Variants in KDM4A observed in about 807,000 individuals in gnomAD.
KDM4A encodes lysine demethylase 4A.
KDM4A carries 23 observed loss-of-function variants against 127.1 expected under a neutral mutation model. The ratio of observed to expected loss-of-function variants is 0.18; its 90% CI spans 0.13 to 0.26. The LOEUF (loss-of-function observed/expected upper bound fraction) is 0.26, where lower values mean the gene tolerates loss of function less well. KDM4A is among the 10% of genes least tolerant of loss of function. KDM4A has a pLI of 1.00. For synonymous variants in KDM4A, 443 were observed against 466.5 expected, an observed-to-expected ratio of 0.95 and a Z score of 0.65; for missense variants, 890 against 1,329.1, an observed-to-expected ratio of 0.67 and a Z score of 5.14.
chr1:43,664,399 C>T (rs967533082), intron 5 of KDM4A, among the ~76,000 whole-genome samples: 1 of 151,984 alleles, frequency 6.6e-6, no homozygotes, highest in African/African-American at 2.4e-5. Context: ...AAACCCGTCT[C>T]TACTAAAAAC....
chr1:43,667,753 T>C lies in KDM4A; in HGVS notation c.916-19T>C, dbSNP rs1246664000. 1.2e-6 allele frequency: 2 copies of C among 1,614,112 alleles called. No homozygotes were observed. The highest frequency in any genetic ancestry group is 2.7e-5 in the African/African-American group (2 of 75,062). On this transcript the variant is annotated intron_variant, in intron 8 of 21. Coordinates refer to ENST00000372396, the MANE Select transcript of KDM4A (RefSeq NM_014663.3). ...AGCAAGGTATGCTCACCTGGTGCTCTTCTGGTTCCTGCTGACAGTGCTCCT... is the reference window on the plus strand; with the variant it reads ...AGCAAGGTATGCTCACCTGGTGCTCCTCTGGTTCCTGCTGACAGTGCTCCT...
chr1:43,671,257 G>A lies in KDM4A; in HGVS notation c.1364-248G>A, dbSNP rs187313328. On this transcript the variant is annotated intron_variant, in intron 10 of 21. Transcript: ENST00000372396. ...ACTGAGTGTCTGCTGAGTGCCAGGC[G>A]GTGCTCAGGAGTCTTATTTATGAGC... is the stretch of plus-strand genomic sequence containing the variant. 7.9e-4 allele frequency among the ~76,000 whole-genome samples: 120 copies of A among 152,274 alleles called. 1 individual carries two copies. Among genetic ancestry groups the A allele is most frequent in the African/African-American group, 2.6e-3 (108 of 41,544 alleles).
chr1:43,698,910 T>C (rs1211338064), intron 19 of KDM4A, among the ~76,000 whole-genome samples: 2 of 151,854 alleles, frequency 1.3e-5, no homozygotes, highest in African/African-American at 2.4e-5. Flanking sequence ...CACCTCAGCC[T>C]CCCTGGTAGC....
chr1:43,699,081 G>C (rs974084728), intron 19 of KDM4A, among the ~76,000 whole-genome samples: 5 of 150,468 alleles, frequency 3.3e-5, no homozygotes, highest in Non-Finnish European at 5.9e-5. Flanking sequence ...GAGCCACTGT[G>C]CCTGGCCTTA....
chr1:43,667,035 G>T lies in KDM4A; in HGVS notation c.859G>T (p.Glu287Ter). 1 of 1,614,144 alleles carries T rather than the reference G, an allele frequency of 6.2e-7. No individual in the cohort carries two copies. Among genetic ancestry groups the T allele is most frequent in the Non-Finnish European group, 8.5e-7 (1 of 1,180,020 alleles). Residue 287 changes from glutamate to a stop codon, truncating the protein, a stop_gained, in exon 8 of 22, where the codon GAG becomes TAG. Transcript: ENST00000372396. LOFTEE classifies it high-confidence loss of function. ...CTTTAACCATGGTTTTAACTGTGCGGAGTCTACCAATTTTGCTACCCGTCG... is the reference window on the plus strand; with the variant it reads ...CTTTAACCATGGTTTTAACTGTGCGTAGTCTACCAATTTTGCTACCCGTCG... ...AGFNHGFNCAESTNFATRRWI... is the reference protein window; with the variant it reads ...AGFNHGFNCA
intron 10 of KDM4A, among the ~76,000 whole-genome samples, chr1:43,670,584 G>A (rs1418275007): frequency 9.5e-6 from 1 of 105,254 alleles, no homozygotes; most frequent in African/African-American, 4.0e-5. Context: ...TTTTTTTTGA[G>A]ACGGAGTCTC....
Position 43,693,285 on chromosome 1 carries a change from A to C in KDM4A, c.2376-709A>C, listed in dbSNP as rs1661161707. Among the ~76,000 whole-genome samples the C allele has an allele frequency of 6.6e-6, 1 of 152,204 alleles. No individual in the cohort carries two copies. The highest frequency in any genetic ancestry group is 2.4e-5 in the African/African-American group (1 of 41,444). ...GTTCCCACTCTAAAAAGACAGCCCCACTAGAACTGCAGAGAGCTTCCATGG... is the reference window on the plus strand; with the variant it reads ...GTTCCCACTCTAAAAAGACAGCCCCCCTAGAACTGCAGAGAGCTTCCATGG... On this transcript the variant is annotated intron_variant, in intron 16 of 21. Transcript: ENST00000372396. The surrounding 1 kb of genome is among the most constrained non-coding windows in gnomAD (Gnocchi z 4.2).
At chr1:43,667,170 GA>G in intron 8 of KDM4A, 79 bp downstream of exon 8, 1 of 1,514,840 alleles carries the variant, frequency 6.6e-7, no homozygotes, top group Non-Finnish European at 9.1e-7. Flanking sequence ...CTGGTGATTA[GA>G]GTATTTCTTT....
intron 11 of KDM4A, among the ~76,000 whole-genome samples, chr1:43,674,044 C>T (rs1660685887): frequency 2.0e-5 from 3 of 152,028 alleles, no homozygotes; most frequent in African/African-American, 7.2e-5. Context: ...TGGGTTCAAC[C>T]CATCCTCCCC....
intron 12 of KDM4A, among the ~76,000 whole-genome samples, chr1:43,687,707 C>T (rs971332200): frequency 6.9e-6 from 1 of 144,914 alleles, no homozygotes; most frequent in African/African-American, 2.4e-5. Context: ...CTTGTTTCTG[C>T]TGGGAGCTTG....
intron 11 of KDM4A, among the ~76,000 whole-genome samples, chr1:43,677,295 G>GCT (rs1660763045): frequency 1.3e-5 from 2 of 150,416 alleles, no homozygotes; most frequent in Non-Finnish European, 3.0e-5. Context: ...CGCTGAGCTG[G>GCT]GATCTTGCCA....
Position 43,690,912 on chromosome 1 carries a change from C to G in KDM4A, c.2105C>G (p.Thr702Ser), listed in dbSNP as rs748602085. 6.2e-7 allele frequency: 1 copy of G among 1,614,218 alleles called. No individual in the cohort carries two copies. The change falls in exon 14 of 22, where the codon ACC becomes AGC. Residue 702 changes from threonine to serine, a missense_variant. Transcript: ENST00000372396. ...ASDLAPQKQR[T>S]KPLIPEMCFT... ...GATTTAGCCCCCCAGAAGCAGAGGACCAAGCCATTGATTCCAGAAATGTGC... is the reference window on the plus strand; with the variant it reads ...GATTTAGCCCCCCAGAAGCAGAGGAGCAAGCCATTGATTCCAGAAATGTGC...
chr1:43,699,117 G>C (rs1351703563), intron 19 of KDM4A, among the ~76,000 whole-genome samples: 2 of 146,306 alleles, frequency 1.4e-5, no homozygotes, highest in Admixed American at 1.4e-4. Flanking sequence ...TTTTGAGAGA[G>C]ACCAGGTCTC....
At position 43,704,459 on chromosome 1, in the gene KDM4A, T is replaced by C. The variant is rs1471328696; in HGVS notation, c.*89T>C. The C allele has an allele frequency of 4.5e-6, 6 of 1,337,296 alleles. No individual in the cohort carries two copies. The highest frequency in any genetic ancestry group is 3.8e-4 in the Middle Eastern group (2 of 5,204). 82.8% of individuals were successfully genotyped at this position (1,337,296 alleles called of 1,614,324 possible). ...AGCAGACATGGAACGCTGAAGTCTC[T>C]GAAAGTGAAGTTGTAAAAAGAAAAG... On this transcript the variant is annotated 3_prime_UTR_variant, in exon 22 of 22. Transcript: ENST00000372396.
intron 4 of KDM4A, among the ~76,000 whole-genome samples, chr1:43,661,765 T>C (rs374808872): frequency 1.3e-5 from 2 of 151,882 alleles, no homozygotes; most frequent in African/African-American, 4.8e-5. Context: ...ATAATAATAA[T>C]ACAGGACCTA....
intron 18 of KDM4A, 81 bp from the exon 19 acceptor site, chr1:43,697,762 A>T: frequency 1.6e-6 from 2 of 1,277,930 alleles, no homozygotes; most frequent in Non-Finnish European, 2.2e-6. Context: ...CCTGATAAGG[A>T]GGAACTAATT....
rs763085232 is a variant in KDM4A, at chr1:43,667,028, C to T, written c.852C>T (p.Asn284=). ...ATGCCGGCTTTAACCATGGTTTTAA[C>T]TGTGCGGAGTCTACCAATTTTGCTA... ...GYHAGFNHGF[N]CAESTNFATR... The change falls in exon 8 of 22, where the codon AAC becomes AAT. Residue 284 remains asparagine (N), a synonymous_variant. Transcript: ENST00000372396. 3 of 1,614,046 alleles carry T rather than the reference C, an allele frequency of 1.9e-6. No individual in the cohort carries two copies. Among genetic ancestry groups the T allele is most frequent in the Admixed American group, 1.7e-5 (1 of 59,990 alleles).
chr1:43,703,871 T>G, intron 20 of KDM4A, 135 bp downstream of exon 20: 1 of 1,361,514 alleles, frequency 7.3e-7, no homozygotes, highest in South Asian at 1.3e-5. Context: ...GGGTCTGCCC[T>G]GTTTCCAGTC....
At chr1:43,671,974 G>A in intron 11 of KDM4A, 99 bp downstream of exon 11, 1 of 1,386,446 alleles carries the variant, frequency 7.2e-7, no homozygotes, top group Non-Finnish European at 9.5e-7. Flanking sequence ...TCTGTGTGAT[G>A]GAGGTGCTGC....
Sources: allele counts gnomAD v4.1 joint callset (sites outside exome capture counted in the v4.1 genomes callset), GRCh38; gene constraint gnomAD v4.1.1; non-coding constraint Gnocchi (gnomAD v3.1); transcripts MANE v1.5; gene names NCBI Gene and HGNC (gene_info 2026-07-23, HGNC 2026-07-21).